The following ALPP variants were observed in gnomAD, a reference collection of about 807,000 sequenced individuals.
The protein encoded by ALPP is alkaline phosphatase, placental.
ALPP carries 39 observed loss-of-function variants against 50.7 expected under a neutral mutation model. That is an observed-to-expected ratio of 0.77 (90% CI 0.60 to 1.00). The LOEUF (loss-of-function observed/expected upper bound fraction) is 1.00, where lower values mean the gene tolerates loss of function less well. Among genes scored for constraint, ALPP ranks in the 50% least tolerant of loss-of-function variants. The pLI is 0.00. For synonymous variants in ALPP, 226 were observed against 320.3 expected (o/e 0.71, Z 3.14); for missense variants, 550 against 746.8 (o/e 0.74, Z 3.07).
Position 232,381,832 on chromosome 2 carries a change from G to C in ALPP, c.*37G>C. 4.6e-6 allele frequency: 7 copies of C among 1,529,986 alleles called. No homozygotes were observed. The highest frequency in any genetic ancestry group is 6.1e-6 in the Non-Finnish European group (7 of 1,144,834). 94.8% of individuals were successfully genotyped at this position (1,529,986 alleles called of 1,614,324 possible). A position where few individuals can be genotyped will look rare whatever the true frequency, so the allele number is the denominator to read the frequency against. On this transcript the variant is annotated 3_prime_UTR_variant, in exon 11 of 11. Coordinates refer to ENST00000392027, the MANE Select transcript of ALPP (RefSeq NM_001632.5). ...CTGGGGCTCCTGCTTCCCCATCCCG[G>C]AGTTCTCCTGCTCCCCACCTCCTGT...
At position 232,379,549 on chromosome 2, in the gene ALPP, G is replaced by C. The variant is rs774162285; in HGVS notation, c.346G>C (p.Ala116Pro). Residue 116 changes from alanine to proline, a missense_variant, in exon 4 of 11, where the codon GCC (alanine) becomes CCC (proline). Around this residue, in one of 5 missense-constraint regions of ALPP, gnomAD observed 376 missense variants for 388.5 expected, o/e 0.97. Transcript: ENST00000392027. ...NVDKHVPDSG[A>P]TATAYLCGVK... is the part of the protein sequence containing the mutation. ...AGACAAACATGTGCCAGACAGTGGA[G>C]CCACAGCCACGGCCTACCTGTGCGG... is the stretch of plus-strand genomic sequence containing the variant. 1 of 1,613,998 alleles carries C rather than the reference G, an allele frequency of 6.2e-7. No homozygotes were observed. The highest frequency in any genetic ancestry group is 1.3e-5 in the African/African-American group (1 of 74,918).
Position 232,379,861 on chromosome 2 carries a change from C to T in ALPP, c.582C>T (p.Ala194=), listed in dbSNP as rs775182821. ...TGAACCGCAACTGGTACTCGGACGC[C>T]GACGTGCCTGCCTCCGCCCGCCAGG... ...HTVNRNWYSD[A]DVPASARQEG... Residue 194 remains alanine, a synonymous_variant, in exon 5 of 11, where the codon GCC becomes GCT. Transcript: ENST00000392027. 17 of 1,613,366 alleles carry T rather than the reference C, an allele frequency of 1.1e-5. No homozygotes were observed. The highest frequency in any genetic ancestry group is 5.3e-5 in the African/African-American group (4 of 74,920).
chr2:232,379,333 T>C lies in ALPP; in HGVS notation c.309+18T>C. On this transcript the variant is annotated intron_variant, in intron 3 of 10. Transcript: ENST00000392027. The stretch of plus-strand genomic sequence containing the variant: ...TGTCCAAGGTAAGTGCTGGGCTACC[T>C]TAGAGTCCTCCAAGCACAGAAGGGG... The C allele has an allele frequency of 6.2e-7, 1 of 1,613,324 alleles. No homozygotes were observed. Among genetic ancestry groups the C allele is most frequent in the Non-Finnish European group, 8.5e-7 (1 of 1,179,584 alleles).
rs1481974867 is a variant in ALPP, at chr2:232,382,747, G to A, written c.*952G>A. 1 of 152,204 alleles carries A rather than the reference G, an allele frequency of 6.6e-6. No individual in the cohort carries two copies. Among genetic ancestry groups the A allele is most frequent in the Non-Finnish European group, 1.5e-5 (1 of 68,082 alleles). The allele number at this position is 152,204 out of a possible 1,614,324, so 9.4% of individuals were successfully genotyped here. A position where few individuals can be genotyped will look rare whatever the true frequency, so the allele number is the denominator to read the frequency against. On this transcript the variant is annotated 3_prime_UTR_variant, in exon 11 of 11. Transcript: ENST00000392027. ...GGAGGCTGAAGCAGGATAATCGCTT[G>A]AACCCGGGCGGCGGAGATTGCAGTG...
rs777305206 is a variant in ALPP, at chr2:232,379,084, G to T, written c.190G>T (p.Asp64Tyr). Residue 64 changes from aspartate to tyrosine, a missense_variant, in exon 2 of 11, where the codon GAT becomes TAT. By Grantham distance (160) the Asp-to-Tyr change is radical (BLOSUM62 -3). Transcript: ENST00000392027. The part of the protein sequence containing the change: ...AAKNLIIFLG[D>Y]GMGVSTVTAA... Reference sequence around the variant, plus strand: ...CAAGAACCTCATCATCTTCCTGGGCGATGGTGAGTGAGCCAGGCCTTCCAG... The same window carrying T: ...CAAGAACCTCATCATCTTCCTGGGCTATGGTGAGTGAGCCAGGCCTTCCAG... The T allele has an allele frequency of 2.5e-6, 4 of 1,614,074 alleles. No homozygotes were observed. The highest frequency in any genetic ancestry group is 3.4e-6 in the Non-Finnish European group (4 of 1,180,028).
rs1559238649 is a variant in ALPP at position 232,381,762 on chromosome 2, CCTG to C, written c.1585_1587del (p.Leu529del). The C allele has an allele frequency of 1.3e-6, 2 of 1,590,398 alleles. No individual in the cohort carries two copies. Among genetic ancestry groups the C allele is most frequent in the Admixed American group, 1.7e-5 (1 of 57,946 alleles). The stretch of plus-strand genomic sequence containing the variant: ...CGTTGCTTCCTCTGCTGGCCGGGAC[CCTG>C]CTGCTGCTGGAGACGGCCACTGCTC... On this transcript the variant is annotated inframe_deletion, in exon 11 of 11. Transcript: ENST00000392027.
chr2:232,378,934 C>G, intron 1 of ALPP, 37 bp from the exon 2 acceptor site: 1 of 1,614,092 alleles, frequency 6.2e-7, no homozygotes, highest in South Asian at 1.1e-5. Context: ...CACCCCCCAG[C>G]CCAGGCTGAC....
At chr2:232,378,907 A>G in intron 1 of ALPP, 29 bp downstream of exon 1, 2 of 1,610,978 alleles carry the variant, frequency 1.2e-6, no homozygotes, top group Non-Finnish European at 1.7e-6. Flanking sequence ...CTGCCCCTAC[A>G]CAACACACAC....
chr2:232,380,858 G>C lies in ALPP; in HGVS notation c.1019G>C (p.Gly340Ala). ...LFVEGGRIDH[G>A]HHESRAYRAL... Reference sequence around the variant, plus strand: ...CCTGCAGGTGGTCGCATCGACCATGGTCATCATGAAAGCAGGGCTTACCGG... The same window carrying C: ...CCTGCAGGTGGTCGCATCGACCATGCTCATCATGAAAGCAGGGCTTACCGG... The change falls in exon 9 of 11, where the codon GGT becomes GCT. Residue 340 changes from glycine (G) to alanine (A), a missense_variant. This residue lies in a region of ALPP where 2 missense variants were observed against 140.1 expected (regional missense o/e 0.01). Coordinates refer to ENST00000392027, the MANE Select transcript of ALPP (RefSeq NM_001632.5). 1 of 1,595,786 alleles carries C rather than the reference G, an allele frequency of 6.3e-7. No individual in the cohort carries two copies. The highest frequency in any genetic ancestry group is 2.3e-5 in the East Asian group (1 of 44,298).
Position 232,382,334 on chromosome 2 carries a change from T to C in ALPP, c.*539T>C. On this transcript the variant is annotated 3_prime_UTR_variant, in exon 11 of 11. Transcript: ENST00000392027. Reference sequence around the variant, plus strand: ...CCACTAAGCTAATTCCACACCCCTGTACCCCCCCAGGGGGCCCTCTGCCTC... The same window carrying C: ...CCACTAAGCTAATTCCACACCCCTGCACCCCCCCAGGGGGCCCTCTGCCTC... 6.2e-6 allele frequency: 1 copy of C among 160,218 alleles called. No individual in the cohort carries two copies. Among genetic ancestry groups the C allele is most frequent in the Non-Finnish European group, 1.4e-5 (1 of 73,542 alleles). The allele number at this position is 160,218 out of a possible 1,614,324, so 9.9% of individuals were successfully genotyped here.
In ALPP at chr2:232,382,285, T is replaced by G. The variant is rs1177180485; in HGVS notation, c.*490T>G. 5.5e-6 allele frequency: 1 copy of G among 183,424 alleles called. No individual in the cohort carries two copies. The highest frequency in any genetic ancestry group is 1.1e-5 in the Non-Finnish European group (1 of 89,176). 11.4% of individuals were successfully genotyped at this position (183,424 alleles called of 1,614,324 possible). ...CTGGGGTGGGGATCACCAGGGGGATTTTGACACAGCCTTCGGCTGCCCCCC... is the reference window on the plus strand; with the variant it reads ...CTGGGGTGGGGATCACCAGGGGGATGTTGACACAGCCTTCGGCTGCCCCCC... On this transcript the variant is annotated 3_prime_UTR_variant, in exon 11 of 11. Coordinates refer to ENST00000392027, the MANE Select transcript of ALPP (RefSeq NM_001632.5).
chr2:232,381,321 T>C lies in ALPP; in HGVS notation c.1263T>C (p.Tyr421=), dbSNP rs1696705793. ...TCCTATACGGAAACGGTCCAGGCTA[T>C]GTGCTCAAGGACGGCGCCCGGCCGG... The part of the protein sequence containing the change: ...TVLLYGNGPG[Y]VLKDGARPDV... The change falls in exon 10 of 11, where the codon TAT becomes TAC. Residue 421 remains tyrosine (Y), a synonymous_variant. Transcript: ENST00000392027. The C allele has an allele frequency of 6.2e-7, 1 of 1,613,984 alleles. No homozygotes were observed. The highest frequency in any genetic ancestry group is 1.1e-5 in the South Asian group (1 of 91,048).
chr2:232,382,144 G>A lies in ALPP; in HGVS notation c.*349G>A, dbSNP rs116825917. On this transcript the variant is annotated 3_prime_UTR_variant, in exon 11 of 11. Coordinates refer to ENST00000392027, the MANE Select transcript of ALPP (RefSeq NM_001632.5). The stretch of plus-strand genomic sequence containing the variant: ...TGGGGAAAAGAAGCACCCAGACCCC[G>A]CGCCCCGCTGATCTTTGCTTCAGTC... 0.011 allele frequency: 4,493 copies of A among 403,412 alleles called. 59 individuals carry two copies. Among genetic ancestry groups the A allele is most frequent in the Middle Eastern group, 0.017 (25 of 1,448 alleles). The allele number at this position is 403,412 out of a possible 1,614,324, so 25.0% of individuals were successfully genotyped here.
At chr2:232,380,094 G>A in intron 5 of ALPP, 92 bp from the exon 6 acceptor site, 1 of 1,600,916 alleles carries the variant, frequency 6.2e-7, no homozygotes, top group Non-Finnish European at 8.5e-7. Context: ...CATTCCCACA[G>A]CCTTGGGGAG....
intron 7 of ALPP, 28 bp downstream of exon 7, chr2:232,380,520 C>T (rs1559237644): frequency 1.2e-6 from 2 of 1,614,052 alleles, no homozygotes; most frequent in Non-Finnish European, 1.7e-6. Context: ...GCCCTGGCAT[C>T]CCTCAGATGG....
intron 3 of ALPP, 86 bp from the exon 4 acceptor site, chr2:232,379,427 G>A (rs1250216651): frequency 3.8e-6 from 6 of 1,593,126 alleles, no homozygotes; most frequent in Non-Finnish European, 3.4e-6. Context: ...AGGAGTTAGA[G>A]GCAGTTGGAA....
intron 7 of ALPP, 59 bp from the exon 8 acceptor site, chr2:232,380,564 T>A: frequency 6.2e-7 from 1 of 1,613,540 alleles, no homozygotes; most frequent in South Asian, 1.1e-5. Context: ...TGTGTGCACA[T>A]CCGCCAGCAC....
Position 232,381,963 on chromosome 2 carries a change from A to C in ALPP, c.*168A>C. 8.9e-7 allele frequency: 1 copy of C among 1,128,870 alleles called. No individual in the cohort carries two copies. Among genetic ancestry groups the C allele is most frequent in the East Asian group, 2.6e-5 (1 of 38,536 alleles). 69.9% of individuals were successfully genotyped at this position (1,128,870 alleles called of 1,614,324 possible). On this transcript the variant is annotated 3_prime_UTR_variant, in exon 11 of 11. Transcript: ENST00000392027. The stretch of plus-strand genomic sequence containing the variant: ...GTGCGCTCTGGGGACTGAGCCCATG[A>C]CACCAAACCTGCCCCTTGGCTGCTC...
Position 232,379,934 on chromosome 2 carries a change from G to A in ALPP, c.655G>A (p.Asp219Asn). The A allele has an allele frequency of 2.5e-6, 4 of 1,603,956 alleles. No homozygotes were observed. Among genetic ancestry groups the A allele is most frequent in the Non-Finnish European group, 3.4e-6 (4 of 1,174,944 alleles). Residue 219 changes from aspartate (D) to asparagine (N), a missense_variant and splice_region_variant, in exon 5 of 11, where the codon GAC becomes AAC. By Grantham distance (23) the Asp-to-Asn change is conservative. This residue lies in a region of ALPP where 376 missense variants were observed against 388.5 expected (regional missense o/e 0.97). Coordinates refer to ENST00000392027, the MANE Select transcript of ALPP (RefSeq NM_001632.5). ...GCAGCTCATCTCCAACATGGACATT[G>A]ACGTGCGACCCCCAGGCCAAGGGCT... Reference protein sequence around the residue: ...ATQLISNMDIDVILGGGRKYM... With the variant: ...ATQLISNMDINVILGGGRKYM...
Sources: gnomAD v4.1 joint callset for allele counts on GRCh38, gnomAD v4.1.1 for gene constraint, gnomAD v4.1.1 regional missense constraint, MANE v1.5 for transcripts, NCBI Gene and HGNC (gene_info 2026-07-23, HGNC 2026-07-21) for gene names.